Variants in NOC2L observed in about 807,000 individuals in gnomAD.
The protein encoded by NOC2L is NOC2 like nucleolar associated transcriptional repressor.
In NOC2L, 101 loss-of-function variants were observed where a neutral mutation model predicts 94.2. That is an observed-to-expected ratio of 1.07 (90% CI 0.91 to 1.26). NOC2L has a LOEUF of 1.26. Ranked by LOEUF, NOC2L falls within the 50% of genes most tolerant of loss-of-function variation. The pLI, the probability that NOC2L is intolerant of heterozygous loss-of-function variation, is 0.00. For synonymous variants in NOC2L, 531 were observed against 413.4 expected (o/e 1.28, Z -3.45); for missense variants, 1,076 against 980.1 (o/e 1.10, Z -1.31).
At chr1:948,730 C>A in intron 12 of NOC2L, 127 bp from the exon 13 acceptor site, 1 of 668,464 alleles carries the variant, frequency 1.5e-6, no homozygotes, top group East Asian at 2.6e-5. Context: ...CACCCTGGTC[C>A]TCAGGCTTCA....
chr1:954,418 G>GT (rs1461390964), intron 6 of NOC2L: 2 of 280,426 alleles, frequency 7.1e-6, no homozygotes, highest in East Asian at 6.5e-5. Context: ...CATCCCCACC[G>GT]TGAGACCACA....
In NOC2L at chr1:948,098, T is replaced by A. The variant is rs980941405; in HGVS notation, c.1659+33A>T. On this transcript the variant is annotated intron_variant, in intron 14 of 18. Transcript: ENST00000327044. ...CAAGCCCGTTATAAGACAGTCTGAG[T>A]CGGCCACGAGCCGGTGTGGGCAGGA... is the stretch of plus-strand genomic sequence containing the variant. 5 of 1,517,322 alleles carry A rather than the reference T, an allele frequency of 3.3e-6. No homozygotes were observed. The African/African-American group carries it at 6.9e-5, about 21-fold the overall frequency. 94.0% of individuals were successfully genotyped at this position (1,517,322 alleles called of 1,614,324 possible).
chr1:946,175 G>A lies in NOC2L; in HGVS notation c.1915C>T (p.Arg639Trp), dbSNP rs751175492. ...CAGGTCCCCTCGCCGAGCCGCACCC[G>A]CTCTTTGCCACTGATCTCCAGCTGG... ...EIQLEISGKE[R>W]LEDLNFPEIK... Residue 639 changes from arginine (R) to tryptophan (W), a missense_variant and splice_region_variant, in exon 16 of 19, where the codon CGG becomes TGG. Physicochemically the swap from Arg to Trp is moderately radical, Grantham distance 101. Transcript: ENST00000327044. 39 of 1,607,438 alleles carry A rather than the reference G, an allele frequency of 2.4e-5. No individual in the cohort carries two copies. The highest frequency in any genetic ancestry group is 1.8e-4 in the East Asian group (8 of 44,774).
At position 948,652 on chromosome 1, in the gene NOC2L, C is replaced by T. The variant is rs1252468672; in HGVS notation, c.1444-49G>A. On this transcript the variant is annotated intron_variant, in intron 12 of 18. Transcript: ENST00000327044. ...TCTCTCGGCCCCATGCCTGGTCACC[C>T]TGGCTTCACCCTGGCTGCACCCTGG... The T allele has an allele frequency of 4.9e-6, 3 of 613,266 alleles. No individual in the cohort carries two copies. The East Asian group carries it at 3.0e-4, about 62-fold the overall frequency. 38.0% of individuals were successfully genotyped at this position (613,266 alleles called of 1,614,324 possible). A position where few individuals can be genotyped will look rare whatever the true frequency, so the allele number is the denominator to read the frequency against.
intron 4 of NOC2L, 118 bp from the exon 5 acceptor site, chr1:956,333 TGGGGGGAGGCAC>T: frequency 8.3e-7 from 1 of 1,210,326 alleles, no homozygotes; most frequent in Non-Finnish European, 1.2e-6. Flanking sequence ...GGGCAGAGGT[TGGGGGGAGGCAC>T]AGAGCCCCAT....
chr1:956,793 T>TG, intron 4 of NOC2L, 101 bp downstream of exon 4: 15 of 1,540,824 alleles, frequency 9.7e-6, no homozygotes, highest in Non-Finnish European at 1.3e-5. Flanking sequence ...GATCTCTGCC[T>TG]GGGCACCCAG....
rs751734936 is a variant in NOC2L at position 945,062 on chromosome 1, G to C, written c.2138C>G (p.Ser713Trp). The stretch of plus-strand genomic sequence containing the variant: ...CTCACCCCAAGACCATTCACCCTCC[G>C]AGTTGCTGCTGTCCTCCTCGCCCTC... ...EEEGEEDSSN[S>W]EDGDPDAEAG... The change falls in exon 18 of 19, where the codon TCG becomes TGG. Residue 713 changes from serine to tryptophan, a missense_variant. By Grantham distance (177) the Ser-to-Trp change is radical. This residue lies in a region of NOC2L where 615 missense variants were observed against 577.4 expected (regional missense o/e 1.07). Coordinates refer to ENST00000327044, the MANE Select transcript of NOC2L (RefSeq NM_015658.4). The C allele has an allele frequency of 6.2e-7, 1 of 1,614,052 alleles. No individual in the cohort carries two copies. The highest frequency in any genetic ancestry group is 8.5e-7 in the Non-Finnish European group (1 of 1,179,956).
At chr1:956,065 G>A (rs377558968) in intron 5 of NOC2L, 30 bp downstream of exon 5, 124 of 1,613,990 alleles carry the variant, frequency 7.7e-5, no homozygotes, top group Non-Finnish European at 9.3e-5. Flanking sequence ...GCAACAGACA[G>A]CCTGGATGCC....
In NOC2L at chr1:946,483, A is replaced by G; in HGVS notation, c.1722T>C (p.Leu574=). 1 of 1,613,230 alleles carries G rather than the reference A, an allele frequency of 6.2e-7. No individual in the cohort carries two copies. The highest frequency in any genetic ancestry group is 8.5e-7 in the Non-Finnish European group (1 of 1,179,978). The change falls in exon 15 of 19, where the codon CTT becomes CTC. Residue 574 remains leucine (L), a synonymous_variant. Transcript: ENST00000327044. ...ANYCRQVQQL[L]GKVQENSAYI... ...ATGCCGAGTTCTCCTGAACCTTCCC[A>G]AGCAGCTGCTGCACCTGCCGGCAGT...
chr1:945,281 T>TG, intron 17 of NOC2L, 135 bp from the exon 18 acceptor site: 8 of 1,209,434 alleles, frequency 6.6e-6, no homozygotes, highest in Non-Finnish European at 6.9e-6. Context: ...AGAGGAGCCC[T>TG]GGGGAGGAAC....
Position 944,331 on chromosome 1 carries a change from AGAG to A in NOC2L, c.*360_*362del. 7.2e-7 allele frequency: 1 copy of A among 1,384,822 alleles called. No homozygotes were observed. Among genetic ancestry groups the A allele is most frequent in the African/African-American group, 1.5e-5 (1 of 68,022 alleles). The allele number at this position is 1,384,822 out of a possible 1,614,324, so 85.8% of individuals were successfully genotyped here. The stretch of plus-strand genomic sequence containing the variant: ...TTCAAAGACTTGGGGGAGTGAAGGC[AGAG>A]CCTGGTGCAGATGGACGAGGTCTGC... On this transcript the variant is annotated 3_prime_UTR_variant, in exon 19 of 19. Coordinates refer to ENST00000327044, the MANE Select transcript of NOC2L (RefSeq NM_015658.4).
chr1:946,664 T>G (rs1322223459), intron 14 of NOC2L, 119 bp from the exon 15 acceptor site: 1 of 1,249,884 alleles, frequency 8.0e-7, no homozygotes, highest in Non-Finnish European at 1.1e-6. Flanking sequence ...GGGACATGGA[T>G]CCCATCTCAG....
intron 2 of NOC2L, 75 bp downstream of exon 2, chr1:958,854 C>G (rs767801651): frequency 6.5e-7 from 1 of 1,535,730 alleles, no homozygotes; most frequent in Admixed American, 1.7e-5. Flanking sequence ...CCCTGAGACC[C>G]CAGGCGAGGT....
intron 6 of NOC2L, 144 bp from the exon 7 acceptor site, chr1:954,226 C>A (rs1207987391): frequency 4.3e-6 from 3 of 693,708 alleles, no homozygotes; most frequent in East Asian, 2.8e-5. Context: ...AAGCTCAGGG[C>A]CCCTTACAGC....
Position 944,376 on chromosome 1 carries a change from T to C in NOC2L, c.*318A>G. The stretch of plus-strand genomic sequence containing the variant: ...GAGGTCTGCAGACGGAGGGCAGAGG[T>C]GGTGGAAGGGGCCAGGGGCCTGCAG... On this transcript the variant is annotated 3_prime_UTR_variant, in exon 19 of 19. Coordinates refer to ENST00000327044, the MANE Select transcript of NOC2L (RefSeq NM_015658.4). 1 of 1,342,170 alleles carries C rather than the reference T, an allele frequency of 7.5e-7. No individual in the cohort carries two copies. The highest frequency in any genetic ancestry group is 9.5e-7 in the Non-Finnish European group (1 of 1,047,790). 83.1% of individuals were successfully genotyped at this position (1,342,170 alleles called of 1,614,324 possible). A position where few individuals can be genotyped will look rare whatever the true frequency, so the allele number is the denominator to read the frequency against.
Position 959,226 on chromosome 1 carries a change from C to T in NOC2L, c.15G>A (p.Gly5=), listed in dbSNP as rs760741494. 2 of 1,607,388 alleles carry T rather than the reference C, an allele frequency of 1.2e-6. No individual in the cohort carries two copies. The highest frequency in any genetic ancestry group is 2.2e-5 in the South Asian group (2 of 90,560). Residue 5 remains glycine (G), a synonymous_variant, in exon 1 of 19, where the codon GGG becomes GGA. Transcript: ENST00000327044. The part of the protein sequence containing the change: MAAA[G]SRKRRLAELT... ...GACCCGCGGCTTACCTCTTGCGGCT[C>T]CCCGCAGCTGCCATGACACCAACCC...
chr1:953,837 C>T lies in NOC2L; in HGVS notation c.833G>A (p.Ser278Asn), dbSNP rs1195647887. 1 of 1,613,108 alleles carries T rather than the reference C, an allele frequency of 6.2e-7. No homozygotes were observed. The highest frequency in any genetic ancestry group is 2.2e-5 in the East Asian group (1 of 44,884). Reference protein sequence around the residue: ...TVLAAVLRHISVLVPCFLTFP... With the variant: ...TVLAAVLRHINVLVPCFLTFP... Reference sequence around the variant, plus strand: ...GGTCAGGAAGCAGGGCACCAGCACGCTGATGTGCCGCAGCACGGCCGCCAA... The same window carrying T: ...GGTCAGGAAGCAGGGCACCAGCACGTTGATGTGCCGCAGCACGGCCGCCAA... Residue 278 changes from serine to asparagine, a missense_variant, in exon 8 of 19, where the codon AGC becomes AAC. Ser to Asn is a conservative substitution (Grantham distance 46). Coordinates refer to ENST00000327044, the MANE Select transcript of NOC2L (RefSeq NM_015658.4).
Position 946,298 on chromosome 1 carries a change from G to T in NOC2L, c.1804-12C>A. On this transcript the variant is annotated splice_polypyrimidine_tract_variant and intron_variant, in intron 15 of 18. Transcript: ENST00000327044. ...TTCTCCCAGGCTTCCTGGGGGGTTG[G>T]GGGAGTTCAGGGTCATGCCTCACCC... is the stretch of plus-strand genomic sequence containing the variant. The T allele has an allele frequency of 6.2e-7, 1 of 1,612,518 alleles. No homozygotes were observed. Among genetic ancestry groups the T allele is most frequent in the South Asian group, 1.1e-5 (1 of 91,036 alleles).
rs1357586738 is a variant in NOC2L at position 945,244 on chromosome 1, TTCCC to T, written c.2054-102_2054-99del. The T allele has an allele frequency of 6.4e-6, 9 of 1,409,534 alleles. No homozygotes were observed. In the African/African-American group the frequency reaches 1.1e-4, roughly 18 times the overall value. 87.3% of individuals were successfully genotyped at this position (1,409,534 alleles called of 1,614,324 possible). A position where few individuals can be genotyped will look rare whatever the true frequency, so the allele number is the denominator to read the frequency against. ...GAGGGTGGCCAGGCTCCCAACACCC[TTCCC>T]TCCGCTGACTTCCAGCAGGTGGAGA... On this transcript the variant is annotated intron_variant, in intron 17 of 18. Coordinates refer to ENST00000327044, the MANE Select transcript of NOC2L (RefSeq NM_015658.4).
Sources: allele counts gnomAD v4.1 joint callset, GRCh38; gene constraint gnomAD v4.1.1; regional missense constraint gnomAD v4.1.1; transcripts MANE v1.5; gene names NCBI Gene and HGNC (gene_info 2026-07-23, HGNC 2026-07-21).